Variants in HAUS1 observed in about 807,000 individuals in gnomAD.
HAUS1 encodes HAUS augmin-like complex subunit 1.
Under a neutral mutation model 38.6 loss-of-function variants are expected in HAUS1, and 25 were observed. The observed-to-expected ratio is 0.65, with a 90% confidence interval of 0.47 to 0.91. The LOEUF (loss-of-function observed/expected upper bound fraction) is 0.91, where lower values mean the gene tolerates loss of function less well. Among genes scored for constraint, HAUS1 ranks in the 40% least tolerant of loss-of-function variants. The probability of loss-of-function intolerance (pLI) is 0.00; values close to 1 mark genes in which losing one functional copy is unlikely to be tolerated. For missense variants in HAUS1, 325 were observed against 328.4 expected (o/e 0.99, Z 0.08); for synonymous variants, 109 against 112.9 (o/e 0.97, Z 0.22).
At chr18:46,119,540 G>T (rs1911882620) in intron 3 of HAUS1, among the ~76,000 whole-genome samples, 1 of 151,952 alleles carries the variant, frequency 6.6e-6, no homozygotes, top group South Asian at 2.1e-4. Flanking sequence ...TTATAACTGG[G>T]GAAGCGAGAT....
chr18:46,110,333 G>GTTTTTTTTTTTTGTTTTTT (rs1911587830), intron 2 of HAUS1, among the ~76,000 whole-genome samples: 2 of 49,992 alleles, frequency 4.0e-5, no homozygotes, highest in Non-Finnish European at 7.0e-5. Context: ...TTTTTTTAAG[G>GTTTTTTTTTTTTGTTTTTT]TTTTTTTTTT....
rs538209705 is a variant in HAUS1, at chr18:46,117,667, G to A, written c.206-514G>A. Among the ~76,000 whole-genome samples the A allele has an allele frequency of 3.3e-5, 5 of 151,902 alleles. No individual in the cohort carries two copies. The South Asian group carries it at 8.3e-4, about 25-fold the overall frequency. On this transcript the variant is annotated intron_variant, in intron 2 of 8. Coordinates refer to ENST00000282058, the MANE Select transcript of HAUS1 (RefSeq NM_138443.4). Reference sequence around the variant, plus strand: ...TAGTCTCTATAAGAAAAAATAAACCGGGGGCAGTGGCTTACGCTTGTAATT... The same window carrying A: ...TAGTCTCTATAAGAAAAAATAAACCAGGGGCAGTGGCTTACGCTTGTAATT...
At chr18:46,104,473 C>A (rs1282957104) in intron 1 of HAUS1, 32 bp downstream of exon 1, 1 of 1,457,416 alleles carries the variant, frequency 6.9e-7, no homozygotes, top group South Asian at 1.4e-5. Flanking sequence ...TCGTTGGCCT[C>A]CTGGAAAACG....
At chr18:46,116,849 CAAA>C (rs553241129) in intron 2 of HAUS1, among the ~76,000 whole-genome samples, 1 of 151,858 alleles carries the variant, frequency 6.6e-6, no homozygotes, top group South Asian at 2.1e-4. Context: ...ACCATCTCCA[CAAA>C]AAAATACAAA....
At position 46,128,027 on chromosome 18, in the gene HAUS1, G is replaced by T. The variant is rs202184670; in HGVS notation, c.787-48G>T. On this transcript the variant is annotated intron_variant, in intron 8 of 8. Coordinates refer to ENST00000282058, the MANE Select transcript of HAUS1 (RefSeq NM_138443.4). The stretch of plus-strand genomic sequence containing the variant: ...TTTAAATAACATTAAATAAAAGTTA[G>T]AGCATCTGTTTTATGTCCTTATCTA... 7.9e-4 allele frequency: 866 copies of T among 1,097,392 alleles called. 6 individuals carry two copies. The African/African-American group carries it at 0.011, about 15-fold the overall frequency. 68.0% of individuals were successfully genotyped at this position (1,097,392 alleles called of 1,614,324 possible). A position where few individuals can be genotyped will look rare whatever the true frequency, so the allele number is the denominator to read the frequency against.
At position 46,128,244 on chromosome 18, in the gene HAUS1, T is replaced by C. The variant is rs77666145; in HGVS notation, c.*119T>C. The C allele has an allele frequency of 2.5e-5, 13 of 518,792 alleles. No individual in the cohort carries two copies. Among genetic ancestry groups the C allele is most frequent in the African/African-American group, 9.9e-5 (5 of 50,708 alleles). The allele number at this position is 518,792 out of a possible 1,614,324, so 32.1% of individuals were successfully genotyped here. On this transcript the variant is annotated 3_prime_UTR_variant, in exon 9 of 9. Transcript: ENST00000282058. ...CTTTCTGTGTTCTTAGATTACAGAATATCATAATTGATAGAATATGGTTTC... is the reference window on the plus strand; with the variant it reads ...CTTTCTGTGTTCTTAGATTACAGAACATCATAATTGATAGAATATGGTTTC...
In HAUS1 at chr18:46,119,304, C is replaced by A. The variant is rs1911875239; in HGVS notation, c.342-622C>A. ...GTATAAGAGCATCCCTACTGTATGG[C>A]AGCAGAAATCTAGACTTGAATTAAA... On this transcript the variant is annotated intron_variant, in intron 3 of 8. Coordinates refer to ENST00000282058, the MANE Select transcript of HAUS1 (RefSeq NM_138443.4). Among the ~76,000 whole-genome samples, 2 of 151,888 alleles carry A rather than the reference C, an allele frequency of 1.3e-5. 1 individual carries two copies. Among genetic ancestry groups the A allele is most frequent in the South Asian group, 4.1e-4 (2 of 4,824 alleles).
Position 46,110,347 on chromosome 18 carries a change from T to C in HAUS1, c.205+4979T>C, listed in dbSNP as rs1479046575. Among the ~76,000 whole-genome samples, 35 of 132,194 alleles carry C rather than the reference T, an allele frequency of 2.6e-4. 2 individuals carry two copies. Among genetic ancestry groups the C allele is most frequent in the African/African-American group, 9.6e-4 (34 of 35,572 alleles). The allele number at this position is 132,194 out of a possible 152,430, so 86.7% of individuals were successfully genotyped here. On this transcript the variant is annotated intron_variant, in intron 2 of 8. Coordinates refer to ENST00000282058, the MANE Select transcript of HAUS1 (RefSeq NM_138443.4). ...ATTTTTTTAAGGTTTTTTTTTTTTT[T>C]TTTTTTTTTTTTTTTAGATGGAGTT...
chr18:46,104,550 A>G, intron 1 of HAUS1, 109 bp downstream of exon 1: 6 of 913,022 alleles, frequency 6.6e-6, no homozygotes, highest in Non-Finnish European at 9.3e-6. Flanking sequence ...TCTCTCCCCT[A>G]TTCCACACAT....
intron 3 of HAUS1, among the ~76,000 whole-genome samples, chr18:46,119,148 C>T (rs1440514669): frequency 2.6e-5 from 4 of 152,130 alleles, no homozygotes; most frequent in South Asian, 2.1e-4. Context: ...GGATTACAGG[C>T]GTGAGCCACT....
intron 2 of HAUS1, among the ~76,000 whole-genome samples, chr18:46,115,605 G>A (rs2144255737): frequency 6.6e-6 from 1 of 152,022 alleles, no homozygotes; most frequent in East Asian, 1.9e-4. Context: ...TCCAGCTTGG[G>A]TGACAGAGTG....
At chr18:46,114,057 GCT>G (rs1248048103) in intron 2 of HAUS1, among the ~76,000 whole-genome samples, 1 of 152,186 alleles carries the variant, frequency 6.6e-6, no homozygotes. Flanking sequence ...GGCATAAACT[GCT>G]CTACGAGCAA....
At position 46,122,502 on chromosome 18, in the gene HAUS1, A is replaced by C; in HGVS notation, c.512A>C (p.Glu171Ala). 1.2e-6 allele frequency: 2 copies of C among 1,614,004 alleles called. No homozygotes were observed. Among genetic ancestry groups the C allele is most frequent in the Non-Finnish European group, 1.7e-6 (2 of 1,179,970 alleles). The change falls in exon 5 of 9, where the codon GAA becomes GCA. Residue 171 changes from glutamate (E) to alanine (A), a missense_variant. By Grantham distance (107) the Glu-to-Ala change is moderately radical. Transcript: ENST00000282058. ...VKKAELHLST[E>A]RAKVDNRRQN... Reference sequence around the variant, plus strand: ...AAAGCAGAGTTGCATCTGTCTACAGAAAGGGCCAAAGTTGATAATCGTCGT... The same window carrying C: ...AAAGCAGAGTTGCATCTGTCTACAGCAAGGGCCAAAGTTGATAATCGTCGT...
chr18:46,121,602 A>G (rs1911944824), intron 4 of HAUS1: 2 of 152,096 alleles, frequency 1.3e-5, no homozygotes, highest in African/African-American at 2.4e-5. Context: ...TTATTTCTAG[A>G]TAAGCCACAA....
intron 2 of HAUS1, among the ~76,000 whole-genome samples, chr18:46,106,085 G>C (rs770331525): frequency 5.9e-5 from 9 of 152,178 alleles, no homozygotes; most frequent in South Asian, 4.1e-4. Context: ...TGAGGTGGTG[G>C]CCATGAAATG....
At chr18:46,127,516 C>T (rs777810341) in intron 8 of HAUS1, among the ~76,000 whole-genome samples, 1 of 151,714 alleles carries the variant, frequency 6.6e-6, no homozygotes, top group Admixed American at 6.6e-5. Flanking sequence ...CTAACCTGGC[C>T]AAGATGGTGA....
intron 6 of HAUS1, 50 bp from the exon 7 acceptor site, chr18:46,124,772 T>G (rs1396404241): frequency 2.1e-6 from 2 of 956,008 alleles, no homozygotes; most frequent in South Asian, 2.7e-5. Flanking sequence ...CAGTATTAGT[T>G]GCATTGTGAA....
chr18:46,120,486 G>T (rs910151866), intron 4 of HAUS1, among the ~76,000 whole-genome samples: 1 of 151,978 alleles, frequency 6.6e-6, no homozygotes, highest in African/African-American at 2.4e-5. Context: ...CGCCCGCCTC[G>T]GCCTCCCAAA....
In HAUS1 at chr18:46,127,512, T is replaced by G. The variant is rs571407853; in HGVS notation, c.787-563T>G. On this transcript the variant is annotated intron_variant, in intron 8 of 8. Transcript: ENST00000282058. ...AAAGGTCAAGAGTTCAAGACTAACC[T>G]GGCCAAGATGGTGAAACCCCATCTC... Among the ~76,000 whole-genome samples the G allele has an allele frequency of 4.0e-5, 6 of 151,872 alleles. 1 individual carries two copies. The highest frequency in any genetic ancestry group is 5.9e-5 in the Non-Finnish European group (4 of 67,988).
Sources: gnomAD v4.1 joint callset for allele counts (sites outside exome capture counted in the v4.1 genomes callset) on GRCh38, gnomAD v4.1.1 for gene constraint, MANE v1.5 for transcripts, NCBI Gene and HGNC (gene_info 2026-07-23, HGNC 2026-07-21) for gene names.